Variants in TBC1D32 observed in about 807,000 individuals in gnomAD.
TBC1D32 encodes protein broad-minded.
A neutral mutation model predicts 170.3 loss-of-function variants in TBC1D32; 151 were observed. That is an observed-to-expected ratio of 0.89 (90% CI 0.78 to 1.01). The LOEUF is 1.01. Among genes scored for constraint, TBC1D32 ranks in the 50% least tolerant of loss-of-function variants. TBC1D32 has a pLI of 0.00. For synonymous variants in TBC1D32, 498 were observed against 488.0 expected (o/e 1.02, Z -0.27); for missense variants, 1,464 against 1,457.1 (o/e 1.00, Z -0.08).
At chr6:121,310,081 C>T (rs958323201) in intron 4 of TBC1D32, among the ~76,000 whole-genome samples, 33 of 151,582 alleles carry the variant, frequency 2.2e-4, no homozygotes, top group African/African-American at 6.8e-4. Flanking sequence ...ACAAATGGGT[C>T]AAAATTGCTC....
At chr6:121,330,526 C>T (rs1027992979) in intron 1 of TBC1D32, among the ~76,000 whole-genome samples, 58 of 152,260 alleles carry the variant, frequency 3.8e-4, no homozygotes, top group African/African-American at 1.3e-3. Context: ...CTGTTAAAAT[C>T]ATTAGAATTG....
chr6:121,275,336 C>T (rs1342192496), intron 15 of TBC1D32, among the ~76,000 whole-genome samples: 2 of 152,136 alleles, frequency 1.3e-5, no homozygotes, highest in African/African-American at 4.8e-5. Flanking sequence ...AAAGGAACTG[C>T]TACTTTTTAT....
intron 24 of TBC1D32, among the ~76,000 whole-genome samples, chr6:121,138,698 G>A (rs4946540): frequency 0.065 from 9,849 of 152,008 alleles, 621 homozygotes; most frequent in Admixed American, 0.21. Flanking sequence ...TGACATAAAG[G>A]CCTAGATAAA....
intron 17 of TBC1D32, among the ~76,000 whole-genome samples, chr6:121,254,255 G>T (rs2128391328): frequency 1.3e-5 from 2 of 151,994 alleles, no homozygotes; most frequent in East Asian, 3.9e-4. Context: ...TTGGAAGGAG[G>T]GTAAGGGATA....
At chr6:121,194,195 T>C (rs1217440721) in intron 22 of TBC1D32, among the ~76,000 whole-genome samples, 1 of 152,132 alleles carries the variant, frequency 6.6e-6, no homozygotes, top group Non-Finnish European at 1.5e-5. Flanking sequence ...GTCCAGTTGG[T>C]CCCCAGAATC....
At chr6:121,089,188 A>T (rs1256767708) in intron 31 of TBC1D32, among the ~76,000 whole-genome samples, 1 of 152,142 alleles carries the variant, frequency 6.6e-6, no homozygotes, top group Non-Finnish European at 1.5e-5. Context: ...TTGAATACCT[A>T]TTATCTACCA....
At chr6:121,258,130 T>C (rs115875268) in intron 15 of TBC1D32, among the ~76,000 whole-genome samples, 2,114 of 152,290 alleles carry the variant, frequency 0.014, 44 homozygotes, top group African/African-American at 0.047. Flanking sequence ...TTTTCTCTTA[T>C]ATTAAAAAAT....
intron 19 of TBC1D32, among the ~76,000 whole-genome samples, chr6:121,240,042 A>C (rs1041856518): frequency 6.6e-6 from 1 of 152,154 alleles, no homozygotes. Context: ...TGAAAATTGA[A>C]ATAATGATGC....
chr6:121,096,097 C>T (rs1237060163), intron 30 of TBC1D32: 9 of 152,030 alleles, frequency 5.9e-5, no homozygotes, highest in Non-Finnish European at 1.2e-4. Flanking sequence ...TTAATTACTG[C>T]CATAATTTTT....
At chr6:121,316,000 T>TTA (rs1176507709) in intron 3 of TBC1D32, among the ~76,000 whole-genome samples, 3 of 152,044 alleles carry the variant, frequency 2.0e-5, no homozygotes, top group Non-Finnish European at 4.4e-5. Flanking sequence ...ACTTGAAAAT[T>TTA]TATATATACC....
At chr6:121,120,085 T>C (rs1780103260) in intron 26 of TBC1D32, among the ~76,000 whole-genome samples, 1 of 152,022 alleles carries the variant, frequency 6.6e-6, no homozygotes, top group African/African-American at 2.4e-5. Flanking sequence ...CCTAAAGCCT[T>C]GGGAAGAAAA....
intron 10 of TBC1D32, among the ~76,000 whole-genome samples, chr6:121,298,949 A>G (rs1300479794): frequency 6.6e-6 from 1 of 152,138 alleles, no homozygotes; most frequent in East Asian, 1.9e-4. Context: ...GTACCCTTAC[A>G]TTGTTCTACT....
At chr6:121,158,274 C>A (rs1036295451) in intron 24 of TBC1D32, among the ~76,000 whole-genome samples, 2 of 152,148 alleles carry the variant, frequency 1.3e-5, no homozygotes, top group Non-Finnish European at 2.9e-5. Context: ...TTAGCTTGGT[C>A]TATTCTGCTA....
chr6:121,289,500 G>T (rs1226811259), intron 12 of TBC1D32, among the ~76,000 whole-genome samples: 1 of 152,040 alleles, frequency 6.6e-6, no homozygotes, highest in African/African-American at 2.4e-5. Context: ...TGAAATAAAA[G>T]ATACAAACAA....
At chr6:121,149,106 G>GT (rs1333329082) in intron 24 of TBC1D32, among the ~76,000 whole-genome samples, 2 of 151,800 alleles carry the variant, frequency 1.3e-5, no homozygotes, top group African/African-American at 2.4e-5. Context: ...GATGGGGTTG[G>GT]TTTTTTTCTT....
At chr6:121,263,086 C>A (rs895610498) in intron 15 of TBC1D32, among the ~76,000 whole-genome samples, 1 of 152,042 alleles carries the variant, frequency 6.6e-6, no homozygotes, top group Non-Finnish European at 1.5e-5. Context: ...ACAATATTAA[C>A]CTACAATGTA....
intron 30 of TBC1D32, among the ~76,000 whole-genome samples, chr6:121,102,647 C>A (rs899981914): frequency 6.6e-6 from 1 of 152,104 alleles, no homozygotes; most frequent in Non-Finnish European, 1.5e-5. Context: ...TGGAAGAAAA[C>A]CTAGGCAATA....
rs930350997 is a variant in TBC1D32, at chr6:121,090,000, C to T, written c.3654+853G>A. On this transcript the variant is annotated intron_variant, in intron 31 of 31. Coordinates refer to ENST00000398212, the MANE Select transcript of TBC1D32 (RefSeq NM_152730.6). ...CCAGGCTGGAGTGCAGTGGTGCGAT[C>T]TCGGCTCATGCAAGCTCCGCCTCCT... Among the ~76,000 whole-genome samples the T allele has an allele frequency of 3.3e-5, 5 of 150,048 alleles. No homozygotes were observed. In the Admixed American group the frequency reaches 3.3e-4, roughly 10 times the overall value.
intron 20 of TBC1D32, among the ~76,000 whole-genome samples, chr6:121,229,626 G>A (rs1254658016): frequency 1.3e-5 from 2 of 152,122 alleles, no homozygotes; most frequent in Non-Finnish European, 2.9e-5. Flanking sequence ...TTTTAATGAT[G>A]TTAAGGTGAC....
Sources: allele counts gnomAD v4.1 joint callset (sites outside exome capture counted in the v4.1 genomes callset), GRCh38; gene constraint gnomAD v4.1.1; transcripts MANE v1.5; gene names NCBI Gene and HGNC (gene_info 2026-07-23, HGNC 2026-07-21).